The following AFG2A variants were observed in gnomAD, a reference collection of about 807,000 sequenced individuals.
AFG2A encodes the protein AAA ATPase AFG2A.
chr4:123,305,356 A>G, the AFG2A span, among the ~76,000 whole-genome samples: 2 of 152,166 alleles, frequency 1.3e-5, no homozygotes, highest in Admixed American at 6.5e-5. Flanking sequence ...GCGCACTTAC[A>G]GCAGCATCCC....
chr4:122,944,717 T>C, the AFG2A span, among the ~76,000 whole-genome samples: 1 of 152,098 alleles, frequency 6.6e-6, no homozygotes, highest in African/African-American at 2.4e-5. Flanking sequence ...GCACTCTGCT[T>C]TTTAGAGTTT....
chr4:123,104,282 TA>T, the AFG2A span, among the ~76,000 whole-genome samples: 1 of 152,164 alleles, frequency 6.6e-6, no homozygotes, highest in Admixed American at 6.5e-5. Flanking sequence ...GTAATTGTTT[TA>T]GGACACCATA....
chr4:123,055,655 C>G, the AFG2A span, among the ~76,000 whole-genome samples: 1 of 152,126 alleles, frequency 6.6e-6, no homozygotes, highest in South Asian at 2.1e-4. Flanking sequence ...GAATATGAAT[C>G]TTGTTCAAAG....
chr4:123,255,193 G>T, the AFG2A span, among the ~76,000 whole-genome samples: 9 of 152,204 alleles, frequency 5.9e-5, no homozygotes, highest in African/African-American at 2.2e-4. Context: ...TCGAACTCCT[G>T]GACTCAAGCA....
the AFG2A span, among the ~76,000 whole-genome samples, chr4:122,949,830 T>C: frequency 3.3e-5 from 5 of 152,218 alleles, no homozygotes. Flanking sequence ...CTAGGATTCA[T>C]TATTTTAGAA....
chr4:123,007,846 T>C, the AFG2A span, among the ~76,000 whole-genome samples: 2 of 151,704 alleles, frequency 1.3e-5, no homozygotes, highest in Admixed American at 6.6e-5. Context: ...CCTGTGAACT[T>C]TTTCCAGTCA....
At chr4:123,183,461 TA>T in the AFG2A span, among the ~76,000 whole-genome samples, 120 of 152,318 alleles carry the variant, frequency 7.9e-4, no homozygotes, top group African/African-American at 2.7e-3. Flanking sequence ...AGAACGTGAA[TA>T]AAAGTTTATT....
At chr4:123,255,185 G>A in the AFG2A span, among the ~76,000 whole-genome samples, 4,137 of 152,120 alleles carry the variant, frequency 0.027, 178 homozygotes, top group African/African-American at 0.094. Flanking sequence ...GGCTGGTCTC[G>A]AACTCCTGGA....
chr4:123,215,303 G>C, the AFG2A span, among the ~76,000 whole-genome samples: 2,718 of 152,056 alleles, frequency 0.018, 89 homozygotes, highest in African/African-American at 0.062. Context: ...CAAGTTACCT[G>C]CTAATGCTAA....
the AFG2A span, among the ~76,000 whole-genome samples, chr4:123,274,622 G>C: frequency 1.3e-5 from 2 of 151,156 alleles, no homozygotes; most frequent in Non-Finnish European, 2.9e-5. Flanking sequence ...ATCATATCCT[G>C]TTACCCAATT....
the AFG2A span, among the ~76,000 whole-genome samples, chr4:123,139,934 G>C: frequency 6.6e-6 from 1 of 151,986 alleles, no homozygotes; most frequent in Admixed American, 6.5e-5. Context: ...CAGAGAAATA[G>C]GTTTCCAGGA....
At chr4:123,041,102 T>G in the AFG2A span, among the ~76,000 whole-genome samples, 1,835 of 151,144 alleles carry the variant, frequency 0.012, 42 homozygotes, top group African/African-American at 0.041. Flanking sequence ...TTTTTATAAT[T>G]TTTTATTTAT....
the AFG2A span, among the ~76,000 whole-genome samples, chr4:123,287,956 C>T: frequency 6.6e-6 from 1 of 152,086 alleles, no homozygotes; most frequent in Non-Finnish European, 1.5e-5. Flanking sequence ...GCTCCGAACA[C>T]GAGTGTTCTT....
chr4:123,093,475 C>T, the AFG2A span, among the ~76,000 whole-genome samples: 5 of 152,178 alleles, frequency 3.3e-5, no homozygotes, highest in South Asian at 2.1e-4. Flanking sequence ...GAGCATTGAG[C>T]GCAGCTAGAG....
chr4:123,227,404 C>A, the AFG2A span, among the ~76,000 whole-genome samples: 2 of 151,962 alleles, frequency 1.3e-5, no homozygotes, highest in Non-Finnish European at 2.9e-5. Flanking sequence ...GATTCTGGTA[C>A]GTTGTGTCTT....
chr4:123,249,198 CA>C, the AFG2A span, among the ~76,000 whole-genome samples: 2 of 152,240 alleles, frequency 1.3e-5, no homozygotes, highest in African/African-American at 4.8e-5. Context: ...GAGACTTGAA[CA>C]AGAAGTGGAG....
the AFG2A span, among the ~76,000 whole-genome samples, chr4:123,235,757 C>A: frequency 6.7e-4 from 102 of 152,296 alleles, 1 homozygote; most frequent in East Asian, 0.017. Context: ...AAACCACATT[C>A]CCACAGAATA....
chr4:123,185,294 G>T, the AFG2A span, among the ~76,000 whole-genome samples: 91,419 of 151,462 alleles, frequency 0.6, 28,704 homozygotes, highest in Non-Finnish European at 0.68. Context: ...ATTTTACTGT[G>T]TTTTATTATC....
At chr4:123,065,226 T>G in the AFG2A span, among the ~76,000 whole-genome samples, 4 of 152,230 alleles carry the variant, frequency 2.6e-5, no homozygotes, top group South Asian at 4.1e-4. Context: ...ATAATGATTC[T>G]GTTCATCTAA....
Sources: gnomAD v4.1 joint callset for allele counts (sites outside exome capture counted in the v4.1 genomes callset) on GRCh38, gnomAD v4.1.1 for gene constraint, MANE v1.5 for transcripts, NCBI Gene and HGNC (gene_info 2026-07-23, HGNC 2026-07-21) for gene names.